Variants in PTPRD observed in about 807,000 individuals in gnomAD.
PTPRD encodes the protein receptor-type tyrosine-protein phosphatase delta.
PTPRD carries 34 observed loss-of-function variants against 214.5 expected under a neutral mutation model. The observed-to-expected ratio is 0.16, with a 90% confidence interval of 0.12 to 0.21. The LOEUF (loss-of-function observed/expected upper bound fraction) is 0.21, where lower values mean the gene tolerates loss of function less well. Among genes scored for constraint, PTPRD ranks in the 10% least tolerant of loss-of-function variants. PTPRD has a pLI of 1.00. For synonymous variants in PTPRD, 1,128 were observed against 845.7 expected, an observed-to-expected ratio of 1.33 and a Z score of -5.79; for missense variants, 2,545 against 2,398.7, an observed-to-expected ratio of 1.06 and a Z score of -1.27.
At chr9:8,454,807 ACATAGTGTGT>A (rs1163011431) in intron 33 of PTPRD, among the ~76,000 whole-genome samples, 3 of 116,992 alleles carry the variant, frequency 2.6e-5, no homozygotes, top group African/African-American at 1.1e-4. Context: ...ATCACTGAAT[ACATAGTGTGT>A]GTGTGTGTGT....
chr9:10,397,778 C>A (rs2098198677), intron 2 of PTPRD, among the ~76,000 whole-genome samples: 1 of 151,866 alleles, frequency 6.6e-6, no homozygotes, highest in South Asian at 2.1e-4. Context: ...GGTATTTGAG[C>A]TGGAGGATGT....
At chr9:8,666,061 A>G (rs146933551) in intron 12 of PTPRD, among the ~76,000 whole-genome samples, 1 of 152,198 alleles carries the variant, frequency 6.6e-6, no homozygotes, top group East Asian at 1.9e-4. Flanking sequence ...TCTGAATGAA[A>G]ATCACTTTAT....
intron 5 of PTPRD, among the ~76,000 whole-genome samples, chr9:9,838,543 G>GT (rs2057463060): frequency 1.3e-5 from 2 of 152,042 alleles, no homozygotes; most frequent in South Asian, 2.1e-4. Flanking sequence ...TTTTTCATGT[G>GT]TTTTTTGGCT....
At chr9:9,720,983 G>T (rs905283909) in intron 7 of PTPRD, among the ~76,000 whole-genome samples, 1 of 152,108 alleles carries the variant, frequency 6.6e-6, no homozygotes, top group African/African-American at 2.4e-5. Context: ...GACTATTTGA[G>T]GGTGTAGGGT....
intron 14 of PTPRD, among the ~76,000 whole-genome samples, chr9:8,572,056 G>A (rs536803887): frequency 1.8e-4 from 27 of 152,084 alleles, no homozygotes; most frequent in Non-Finnish European, 3.2e-4. Flanking sequence ...GTTTGACACC[G>A]CAAAGCAAAA....
chr9:9,036,800 T>A (rs2099623355), intron 10 of PTPRD, among the ~76,000 whole-genome samples: 1 of 152,126 alleles, frequency 6.6e-6, no homozygotes, highest in African/African-American at 2.4e-5. Flanking sequence ...TACATATATA[T>A]CCCACCCTGT....
At chr9:10,345,742 T>C (rs2097064968) in intron 2 of PTPRD, among the ~76,000 whole-genome samples, 1 of 152,222 alleles carries the variant, frequency 6.6e-6, no homozygotes, top group African/African-American at 2.4e-5. Context: ...CATATGTCTT[T>C]ATAGTAGAAT....
intron 7 of PTPRD, among the ~76,000 whole-genome samples, chr9:9,711,065 G>T (rs1330143745): frequency 2.6e-5 from 4 of 152,140 alleles, no homozygotes. Context: ...TTCCCACCTT[G>T]TGCCGAGCTA....
chr9:8,497,041 C>T (rs927066389), intron 26 of PTPRD, among the ~76,000 whole-genome samples: 4 of 152,138 alleles, frequency 2.6e-5, no homozygotes, highest in African/African-American at 7.2e-5. Context: ...ACATTTCTTA[C>T]GCAGTCAATA....
At chr9:10,197,428 A>G (rs2099402523) in intron 3 of PTPRD, among the ~76,000 whole-genome samples, 1 of 152,132 alleles carries the variant, frequency 6.6e-6, no homozygotes, top group South Asian at 2.1e-4. Flanking sequence ...TTTCTCTTAC[A>G]AGACATTAAA....
At chr9:9,854,898 C>T (rs1441761786) in intron 5 of PTPRD, among the ~76,000 whole-genome samples, 6 of 152,070 alleles carry the variant, frequency 3.9e-5, no homozygotes, top group African/African-American at 1.4e-4. Context: ...AGTTTATTCC[C>T]ACAACTGGAC....
chr9:9,344,286 A>T (rs1289660232), intron 9 of PTPRD, among the ~76,000 whole-genome samples: 3 of 151,842 alleles, frequency 2.0e-5, no homozygotes, highest in African/African-American at 4.8e-5. Flanking sequence ...GTGAGAACAC[A>T]TGGACACAGG....
chr9:10,255,334 G>T (rs2498614), intron 3 of PTPRD, among the ~76,000 whole-genome samples: 23,868 of 152,090 alleles, frequency 0.16, 1,970 homozygotes, highest in African/African-American at 0.2. Flanking sequence ...CTATTGCTCC[G>T]AGGCTACAAA....
chr9:9,973,201 G>A (rs2095209793), intron 4 of PTPRD, among the ~76,000 whole-genome samples: 1 of 151,442 alleles, frequency 6.6e-6, no homozygotes, highest in Non-Finnish European at 1.5e-5. Context: ...AGTGGCTCAT[G>A]CCTGTAATCC....
At chr9:8,464,060 T>C (rs1033006996) in intron 32 of PTPRD, among the ~76,000 whole-genome samples, 8 of 151,950 alleles carry the variant, frequency 5.3e-5, no homozygotes, top group Non-Finnish European at 7.4e-5. Context: ...ACAGATGACA[T>C]ACTAAAGAAA....
At chr9:8,726,062 C>A (rs935848510) in intron 12 of PTPRD, among the ~76,000 whole-genome samples, 1 of 151,116 alleles carries the variant, frequency 6.6e-6, no homozygotes, top group Non-Finnish European at 1.5e-5. Flanking sequence ...CACACACACA[C>A]ACAGTTTAGT....
chr9:9,648,409 C>G (rs1344648458), intron 7 of PTPRD, among the ~76,000 whole-genome samples: 1 of 152,102 alleles, frequency 6.6e-6, no homozygotes, highest in African/African-American at 2.4e-5. Flanking sequence ...AAAGTATGGT[C>G]ATAACGTTCT....
chr9:10,382,653 A>G (rs1020151843), intron 2 of PTPRD, among the ~76,000 whole-genome samples: 7 of 151,930 alleles, frequency 4.6e-5, no homozygotes, highest in Non-Finnish European at 7.4e-5. Context: ...ATACCAGTAT[A>G]TATCACAGGA....
chr9:9,023,056 T>C (rs1169146412), intron 10 of PTPRD, among the ~76,000 whole-genome samples: 2 of 152,144 alleles, frequency 1.3e-5, no homozygotes, highest in East Asian at 1.9e-4. Flanking sequence ...TCCCAGATTT[T>C]TGTTTCTTCT....
Sources: gnomAD v4.1 joint callset for allele counts (sites outside exome capture counted in the v4.1 genomes callset) on GRCh38, gnomAD v4.1.1 for gene constraint, MANE v1.5 for transcripts, NCBI Gene and HGNC (gene_info 2026-07-23, HGNC 2026-07-21) for gene names.